FOXJ3: variants seen among roughly 807,000 people sequenced by gnomAD.
The protein encoded by FOXJ3 is forkhead box protein J3.
FOXJ3 carries 22 observed loss-of-function variants against 76.1 expected under a neutral mutation model. That is an observed-to-expected ratio of 0.29 (90% CI 0.21 to 0.41). The LOEUF (loss-of-function observed/expected upper bound fraction) is 0.41, where lower values mean the gene tolerates loss of function less well. Ranked by LOEUF, FOXJ3 falls within the 10% of genes least tolerant of loss-of-function variation. The pLI is 1.00. For missense variants in FOXJ3, 613 were observed against 762.1 expected (o/e 0.80, Z 2.30); for synonymous variants, 269 against 261.2 (o/e 1.03, Z -0.29).
chr1:42,291,679 T>C lies in FOXJ3; in HGVS notation c.45-13007A>G, dbSNP rs60836531. ...TGTTTTTGTTTTTGTTTTTGTTTCATCAAGGCAGGAAGATCGCCGGAGCCC... is the reference window on the plus strand; with the variant it reads ...TGTTTTTGTTTTTGTTTTTGTTTCACCAAGGCAGGAAGATCGCCGGAGCCC... On this transcript the variant is annotated intron_variant, in intron 2 of 12. Transcript: ENST00000361346. Among the ~76,000 whole-genome samples the C allele has an allele frequency of 4.7e-3, 720 of 152,116 alleles. 9 individuals carry two copies. Among genetic ancestry groups the C allele is most frequent in the African/African-American group, 0.017 (698 of 41,484 alleles).
chr1:42,276,228 CG>C (rs1396701427), intron 3 of FOXJ3, among the ~76,000 whole-genome samples: 1 of 151,886 alleles, frequency 6.6e-6, no homozygotes, highest in Non-Finnish European at 1.5e-5. Flanking sequence ...CAGTGGTGGG[CG>C]CCTGTAATCC....
intron 2 of FOXJ3, among the ~76,000 whole-genome samples, chr1:42,279,787 A>T (rs1288030110): frequency 1.3e-5 from 2 of 152,140 alleles, no homozygotes; most frequent in Non-Finnish European, 2.9e-5. Context: ...ATATCAAAAT[A>T]AAGGAAAAAA....
rs796664186 is a variant in FOXJ3 at position 42,244,231 on chromosome 1, A to G, written c.445-16265T>C. On this transcript the variant is annotated intron_variant, in intron 4 of 12. Transcript: ENST00000361346. Reference sequence around the variant, plus strand: ...TGCCTACATCAAAAAAAGCAGACAGATTTCAAATAAACATCTAACAATGCA... The same window carrying G: ...TGCCTACATCAAAAAAAGCAGACAGGTTTCAAATAAACATCTAACAATGCA... Among the ~76,000 whole-genome samples the G allele has an allele frequency of 9.8e-5, 15 of 152,364 alleles. No individual in the cohort carries two copies. The South Asian group carries it at 2.9e-3, about 29-fold the overall frequency.
intron 2 of FOXJ3, among the ~76,000 whole-genome samples, chr1:42,306,312 T>C (rs1654467453): frequency 7.0e-6 from 1 of 142,582 alleles, no homozygotes; most frequent in South Asian, 2.3e-4. Flanking sequence ...TTTTTTTTTT[T>C]TTTTTTTTTG....
At chr1:42,231,178 T>C (rs1648069675) in intron 4 of FOXJ3, among the ~76,000 whole-genome samples, 1 of 150,350 alleles carries the variant, frequency 6.7e-6, no homozygotes, top group South Asian at 2.1e-4. Flanking sequence ...TACAAAAAAT[T>C]AGCAGGGCAT....
At chr1:42,219,318 C>T (rs79875682) in intron 5 of FOXJ3, among the ~76,000 whole-genome samples, 26 of 152,240 alleles carry the variant, frequency 1.7e-4, no homozygotes, top group African/African-American at 5.5e-4. Flanking sequence ...GATTGACTGT[C>T]GTGGTATCGC....
intron 2 of FOXJ3, among the ~76,000 whole-genome samples, chr1:42,281,672 T>A (rs947433033): frequency 2.6e-5 from 4 of 152,230 alleles, no homozygotes; most frequent in Admixed American, 6.5e-5. Context: ...CCACTGTTGA[T>A]ACTTAGGCTG....
At chr1:42,188,991 G>A (rs576950318) in intron 10 of FOXJ3, 63 bp from the exon 11 acceptor site, 4 of 1,093,868 alleles carry the variant, frequency 3.7e-6, no homozygotes, top group South Asian at 3.6e-5. Context: ...AAGGAAAATA[G>A]CAAGACATAA....
chr1:42,237,378 A>AAG, intron 4 of FOXJ3, among the ~76,000 whole-genome samples: 1 of 138,874 alleles, frequency 7.2e-6, no homozygotes, highest in African/African-American at 2.7e-5. Context: ...CCATCTCAAA[A>AAG]AATATATATA....
chr1:42,299,367 C>CT (rs34855114), intron 2 of FOXJ3, among the ~76,000 whole-genome samples: 93,375 of 144,774 alleles, frequency 0.64, 30,398 homozygotes, highest in Admixed American at 0.75. Flanking sequence ...TAATGCTCAT[C>CT]TTTTTTTTTT....
chr1:42,223,446 T>C (rs896766616), intron 5 of FOXJ3, among the ~76,000 whole-genome samples: 72 of 152,178 alleles, frequency 4.7e-4, no homozygotes, highest in African/African-American at 1.7e-3. Flanking sequence ...CCAGCCTAAG[T>C]TCTTCACAAT....
chr1:42,238,919 C>T (rs1648913923), intron 4 of FOXJ3, among the ~76,000 whole-genome samples: 2 of 152,138 alleles, frequency 1.3e-5, no homozygotes, highest in Non-Finnish European at 2.9e-5. Flanking sequence ...TTGAGTCTTC[C>T]ACTCCACAAA....
chr1:42,260,318 G>GC (rs796437788), intron 4 of FOXJ3, among the ~76,000 whole-genome samples: 5 of 151,754 alleles, frequency 3.3e-5, no homozygotes, highest in East Asian at 1.9e-4. Flanking sequence ...TACTAATATA[G>GC]CCCCCCCAAA....
chr1:42,260,319 C>G (rs541431867), intron 4 of FOXJ3, among the ~76,000 whole-genome samples: 77 of 151,976 alleles, frequency 5.1e-4, no homozygotes, highest in Non-Finnish European at 9.9e-4. Flanking sequence ...ACTAATATAG[C>G]CCCCCCAAAA....
intron 2 of FOXJ3, chr1:42,280,395 A>G (rs1652607524): frequency 1.0e-6 from 1 of 958,830 alleles, no homozygotes; most frequent in African/African-American, 1.8e-5. Flanking sequence ...CATTCCTCTG[A>G]ACCTGAACTT....
chr1:42,191,231 T>G, intron 9 of FOXJ3, 72 bp downstream of exon 9: 111 of 1,401,634 alleles, frequency 7.9e-5, no homozygotes, highest in Non-Finnish European at 9.7e-5. Context: ...AAATACTACA[T>G]GAGCTCTAAA....
At chr1:42,299,898 A>C (rs1168465885) in intron 2 of FOXJ3, among the ~76,000 whole-genome samples, 1 of 151,498 alleles carries the variant, frequency 6.6e-6, no homozygotes, top group Non-Finnish European at 1.5e-5. Flanking sequence ...AGACAGCAAG[A>C]CTCCATCTTA....
intron 2 of FOXJ3, among the ~76,000 whole-genome samples, chr1:42,287,943 G>A (rs1394492411): frequency 6.6e-6 from 1 of 152,066 alleles, no homozygotes; most frequent in Admixed American, 6.6e-5. Flanking sequence ...TCCACCCTGG[G>A]CAACAGAATG....
chr1:42,334,483 C>G (rs1011738120), intron 1 of FOXJ3, among the ~76,000 whole-genome samples: 1 of 152,098 alleles, frequency 6.6e-6, no homozygotes, highest in Non-Finnish European at 1.5e-5. Context: ...GCAACACGTC[C>G]GCATGGAACG....
Sources: allele counts gnomAD v4.1 joint callset (sites outside exome capture counted in the v4.1 genomes callset), GRCh38; gene constraint gnomAD v4.1.1; transcripts MANE v1.5; gene names NCBI Gene and HGNC (gene_info 2026-07-23, HGNC 2026-07-21).